The following CEACAM4 variants were observed in gnomAD, a reference collection of about 807,000 sequenced individuals.
CEACAM4 encodes cell adhesion molecule CEACAM4.
CEACAM4 carries 30 observed loss-of-function variants against 28.7 expected under a neutral mutation model. The observed-to-expected ratio is 1.05, with a 90% CI of 0.78 to 1.42. CEACAM4 has a LOEUF of 1.42. CEACAM4 is among the 40% of genes most tolerant of loss of function. The pLI, the probability that CEACAM4 is intolerant of heterozygous loss-of-function variation, is 0.00. For synonymous variants in CEACAM4, 143 were observed against 126.5 expected (o/e 1.13, Z -0.87); for missense variants, 330 against 308.2 (o/e 1.07, Z -0.53).
chr19:41,620,503 G>T, intron 4 of CEACAM4, 72 bp downstream of exon 4: 1 of 1,330,090 alleles, frequency 7.5e-7, no homozygotes, highest in Non-Finnish European at 1.1e-6. Context: ...GGCCCCCAGG[G>T]GGTGACTGGC....
downstream of CEACAM4, among the ~76,000 whole-genome samples, chr19:41,615,634 C>T (rs535410775): frequency 2.6e-5 from 4 of 152,184 alleles, no homozygotes; most frequent in South Asian, 8.3e-4. Context: ...TCAATCCTAC[C>T]TGTCAGGAGC....
intron 5 of CEACAM4, 69 bp downstream of exon 5, chr19:41,620,142 G>A (rs2071175146): frequency 5.9e-6 from 8 of 1,359,328 alleles, no homozygotes; most frequent in Middle Eastern, 1.8e-4. Flanking sequence ...TGGGGTTGAT[G>A]GTCCCCCTGC....
chr19:41,613,496 GAC>G, the CEACAM4 span, among the ~76,000 whole-genome samples: 59,697 of 148,766 alleles, frequency 0.4, 12,333 homozygotes, highest in African/African-American at 0.54. Context: ...CTGTCTGGAG[GAC>G]ACACACACAC....
At chr19:41,616,567 C>A (rs908136612), downstream of CEACAM4, among the ~76,000 whole-genome samples, 1 of 151,628 alleles carries the variant, frequency 6.6e-6, no homozygotes, top group Non-Finnish European at 1.5e-5. Context: ...ATCTTCAGGC[C>A]CCACTTGTCC....
In CEACAM4 at chr19:41,626,954, G is replaced by T; in HGVS notation, c.10C>A (p.Pro4Thr). The part of the protein sequence containing the change: MGP[P>T]SAAPRGGHRP... ...TGCCCTCCACGGGGAGCGGCTGAGG[G>T]GGGGCCCATGGTCTCTGCTGCCTGC... The change falls in exon 1 of 7, where the codon CCC (proline) becomes ACC (threonine). Residue 4 changes from proline (P) to threonine (T), a missense_variant. By Grantham distance (38) the Pro-to-Thr change is conservative. Transcript: ENST00000221954. 6.2e-7 allele frequency: 1 copy of T among 1,604,816 alleles called. No homozygotes were observed. Among genetic ancestry groups the T allele is most frequent in the Non-Finnish European group, 8.5e-7 (1 of 1,175,236 alleles).
At chr19:41,623,206 C>G (rs1398694324) in intron 2 of CEACAM4, among the ~76,000 whole-genome samples, 1 of 151,982 alleles carries the variant, frequency 6.6e-6, no homozygotes, top group Non-Finnish European at 1.5e-5. Flanking sequence ...TTAGTAGAGA[C>G]GGGGTTTTGC....
downstream of CEACAM4, among the ~76,000 whole-genome samples, chr19:41,618,598 A>G (rs1465658880): frequency 1.3e-5 from 2 of 152,172 alleles, no homozygotes; most frequent in African/African-American, 4.8e-5. Context: ...TGAAGAGGGC[A>G]GCAGGGGTCA....
At chr19:41,616,187 G>T (rs1369042517), downstream of CEACAM4, among the ~76,000 whole-genome samples, 2 of 151,976 alleles carry the variant, frequency 1.3e-5, no homozygotes, top group Non-Finnish European at 2.9e-5. Context: ...GAGCCACCAG[G>T]CCCGGCTAAA....
downstream of CEACAM4, among the ~76,000 whole-genome samples, chr19:41,618,291 G>A (rs782075317): frequency 6.6e-6 from 1 of 152,164 alleles, no homozygotes; most frequent in Non-Finnish European, 1.5e-5. Flanking sequence ...GGATGCTCCT[G>A]TGTAAAGAGT....
chr19:41,619,664 A>T lies in CEACAM4; in HGVS notation c.669+6T>A, dbSNP rs781849971. On this transcript the variant is annotated splice_donor_region_variant and intron_variant, in intron 6 of 6. Coordinates refer to ENST00000221954, the MANE Select transcript of CEACAM4 (RefSeq NM_001817.4). ...CGGGACCAGAACATCCATGGCCCAC[A>T]CTCACCTCATAGATGGGAGTGGCTG... 11 of 1,594,792 alleles carry T rather than the reference A, an allele frequency of 6.9e-6. No homozygotes were observed.
chr19:41,615,738 T>G (rs1238949086), downstream of CEACAM4, among the ~76,000 whole-genome samples: 1 of 152,066 alleles, frequency 6.6e-6, no homozygotes, highest in South Asian at 2.1e-4. Flanking sequence ...TTCTCAGGTG[T>G]GGGAATGTGA....
the CEACAM4 span, among the ~76,000 whole-genome samples, chr19:41,613,583 C>A: frequency 6.6e-6 from 1 of 151,770 alleles, no homozygotes; most frequent in African/African-American, 2.4e-5. Flanking sequence ...GAGGGGGAAC[C>A]CATGGGTCAA....
intron 1 of CEACAM4, among the ~76,000 whole-genome samples, 162 bp from the exon 2 acceptor site, chr19:41,626,122 G>A (rs1220649597): frequency 7.9e-6 from 1 of 126,238 alleles, no homozygotes; most frequent in African/African-American, 3.0e-5. Flanking sequence ...GTGTGTGTGT[G>A]TGTCCCTGGG....
downstream of CEACAM4, among the ~76,000 whole-genome samples, chr19:41,617,181 T>G (rs2122407477): frequency 6.6e-6 from 1 of 152,292 alleles, no homozygotes; most frequent in African/African-American, 2.4e-5. Context: ...CATGAACTAT[T>G]GAAGGGCCGG....
chr19:41,624,959 C>T (rs774399570), intron 2 of CEACAM4, among the ~76,000 whole-genome samples: 1 of 152,198 alleles, frequency 6.6e-6, no homozygotes, highest in Non-Finnish European at 1.5e-5. Flanking sequence ...TGTTCCTACC[C>T]CTGGGCCACT....
At chr19:41,624,626 G>A (rs1451876645) in intron 2 of CEACAM4, among the ~76,000 whole-genome samples, 3 of 152,220 alleles carry the variant, frequency 2.0e-5, no homozygotes, top group African/African-American at 4.8e-5. Flanking sequence ...CACCTAGTAA[G>A]GCACCAGGGA....
At chr19:41,615,718 C>A (rs1466973689), downstream of CEACAM4, among the ~76,000 whole-genome samples, 1 of 147,796 alleles carries the variant, frequency 6.8e-6, no homozygotes, top group Non-Finnish European at 1.5e-5. Context: ...ACAGAGAGGA[C>A]CCTGGTGGCT....
chr19:41,621,178 T>C (rs782309354), intron 3 of CEACAM4, among the ~76,000 whole-genome samples: 6 of 152,048 alleles, frequency 3.9e-5, no homozygotes, highest in Non-Finnish European at 8.8e-5. Context: ...GGTTCTCCCA[T>C]CTCACACCTC....
intron 2 of CEACAM4, among the ~76,000 whole-genome samples, chr19:41,623,941 A>C (rs2071477128): frequency 6.6e-6 from 1 of 151,946 alleles, no homozygotes; most frequent in Middle Eastern, 3.2e-3. Flanking sequence ...TCCCCTGAAA[A>C]CCTTCCCACA....
Sources: allele counts gnomAD v4.1 joint callset (sites outside exome capture counted in the v4.1 genomes callset), GRCh38; gene constraint gnomAD v4.1.1; transcripts MANE v1.5; gene names NCBI Gene and HGNC (gene_info 2026-07-23, HGNC 2026-07-21).